CHST9: variants seen among roughly 807,000 people sequenced by gnomAD.
CHST9 encodes GalNAc-4-sulfotransferase 2.
Under a neutral mutation model 44.4 loss-of-function variants are expected in CHST9, and 41 were observed. The observed-to-expected ratio is 0.92, with a 90% CI of 0.72 to 1.20. The LOEUF is 1.20. CHST9 is among the 50% of genes most tolerant of loss of function. CHST9 has a pLI of 0.00. For synonymous variants in CHST9, 171 were observed against 178.4 expected (o/e 0.96, Z 0.33); for missense variants, 504 against 516.5 (o/e 0.98, Z 0.23).
At chr18:27,047,648 C>T (rs936633555) in intron 3 of CHST9, among the ~76,000 whole-genome samples, 2 of 128,858 alleles carry the variant, frequency 1.6e-5, no homozygotes, top group Non-Finnish European at 3.7e-5. Context: ...TATTACCAGA[C>T]AGGAAATGAA....
rs115949217 is a variant in CHST9 at position 27,147,282 on chromosome 18, G to C, written c.-96-4377C>G. 7.9e-3 allele frequency among the ~76,000 whole-genome samples: 1,203 copies of C among 152,082 alleles called. 19 individuals are homozygous for C. Among genetic ancestry groups the C allele is most frequent in the African/African-American group, 0.028 (1,144 of 41,440 alleles). ...GGGTTTCTCCGTGTTTGTCAGGCTA[G>C]TCTCCAACTCCCGACCTCAGGTGAT... On this transcript the variant is annotated intron_variant, in intron 1 of 5. Transcript: ENST00000618847.
At chr18:26,954,575 A>T (rs1328514322) in intron 4 of CHST9, among the ~76,000 whole-genome samples, 2 of 151,442 alleles carry the variant, frequency 1.3e-5, no homozygotes, top group Non-Finnish European at 2.9e-5. Context: ...TCTTATGTTC[A>T]TTTCTGGTCC....
At chr18:26,958,502 T>C (rs2056357543) in intron 4 of CHST9, among the ~76,000 whole-genome samples, 1 of 150,860 alleles carries the variant, frequency 6.6e-6, no homozygotes, top group Non-Finnish European at 1.5e-5. Context: ...GGGACCTAGT[T>C]AAACTAAAGA....
At chr18:27,090,852 T>C (rs891021311) in intron 2 of CHST9, among the ~76,000 whole-genome samples, 1 of 152,230 alleles carries the variant, frequency 6.6e-6, no homozygotes, top group East Asian at 1.9e-4. Flanking sequence ...ACTGTAGTCT[T>C]GTATTATAGT....
intron 2 of CHST9, among the ~76,000 whole-genome samples, chr18:27,092,620 T>G (rs1479039683): frequency 6.6e-6 from 1 of 152,208 alleles, no homozygotes; most frequent in East Asian, 1.9e-4. Context: ...GCTTTAAATG[T>G]GTCCCAGAGA....
intron 4 of CHST9, among the ~76,000 whole-genome samples, chr18:26,970,374 C>G (rs1185278750): frequency 6.6e-6 from 1 of 152,138 alleles, no homozygotes; most frequent in Non-Finnish European, 1.5e-5. Flanking sequence ...ATTCTAAATG[C>G]TGTATGTATT....
At chr18:27,063,807 G>A (rs1208874871) in intron 2 of CHST9, among the ~76,000 whole-genome samples, 2 of 151,728 alleles carry the variant, frequency 1.3e-5, no homozygotes, top group Admixed American at 1.3e-4. Context: ...TTACATGTGT[G>A]GTTTTTTTTA....
chr18:27,165,492 T>C (rs1273441552), intron 1 of CHST9, among the ~76,000 whole-genome samples: 1 of 152,156 alleles, frequency 6.6e-6, no homozygotes, highest in Non-Finnish European at 1.5e-5. Flanking sequence ...TCTCATCCCA[T>C]GGTGGGAAGT....
chr18:27,158,332 C>T (rs1239404816), intron 1 of CHST9, among the ~76,000 whole-genome samples: 7 of 151,306 alleles, frequency 4.6e-5, no homozygotes, highest in Admixed American at 4.6e-4. Flanking sequence ...TCAATTCCCA[C>T]CTATGAGTAA....
At chr18:27,181,021 T>G (rs1189604363) in intron 1 of CHST9, among the ~76,000 whole-genome samples, 2 of 152,194 alleles carry the variant, frequency 1.3e-5, no homozygotes, top group Non-Finnish European at 2.9e-5. Flanking sequence ...ACATTTATGA[T>G]GAGAACATAG....
intron 2 of CHST9, among the ~76,000 whole-genome samples, chr18:27,070,242 G>A (rs1327289498): frequency 6.6e-6 from 1 of 152,136 alleles, no homozygotes; most frequent in Non-Finnish European, 1.5e-5. Flanking sequence ...AATGCACTGG[G>A]CTTGGGTCAG....
At chr18:26,956,246 AG>A (rs1395358049) in intron 4 of CHST9, among the ~76,000 whole-genome samples, 2 of 149,532 alleles carry the variant, frequency 1.3e-5, no homozygotes, top group African/African-American at 2.5e-5. Flanking sequence ...CAAGAGGCAG[AG>A]GTTACAGTGA....
Position 26,910,609 on chromosome 18 carries a change from C to T in CHST9, c.*5650G>A, listed in dbSNP as rs1337380834. On this transcript the variant is annotated 3_prime_UTR_variant, in exon 6 of 6. Transcript: ENST00000618847. ...ACAAATCCCCTGTCATTAATGAGGC[C>T]CAATGTTGGCAGCTAATTCAGATGT... The T allele has an allele frequency of 1.3e-5, 2 of 152,096 alleles. No homozygotes were observed. Among genetic ancestry groups the T allele is most frequent in the African/African-American group, 4.8e-5 (2 of 41,404 alleles). The allele number at this position is 152,096 out of a possible 1,614,324, so 9.4% of individuals were successfully genotyped here. A position where few individuals can be genotyped will look rare whatever the true frequency, so the allele number is the denominator to read the frequency against.
At chr18:27,017,679 G>A (rs777656512) in intron 4 of CHST9, among the ~76,000 whole-genome samples, 1 of 152,088 alleles carries the variant, frequency 6.6e-6, no homozygotes, top group African/African-American at 2.4e-5. Flanking sequence ...AACTATTTAG[G>A]GTGTGGGATT....
At chr18:27,134,217 T>C (rs1471530045) in intron 2 of CHST9, among the ~76,000 whole-genome samples, 3 of 152,104 alleles carry the variant, frequency 2.0e-5, no homozygotes, top group African/African-American at 7.2e-5. Context: ...CAGTCCAGTC[T>C]AGAAACAAAA....
At position 27,062,676 on chromosome 18, in the gene CHST9, A is replaced by C. The variant is rs112959315; in HGVS notation, c.122-14173T>G. Among the ~76,000 whole-genome samples, 301 of 152,314 alleles carry C rather than the reference A, an allele frequency of 2.0e-3. 2 individuals are homozygous for C. Among genetic ancestry groups the C allele is most frequent in the African/African-American group, 6.7e-3 (279 of 41,564 alleles). On this transcript the variant is annotated intron_variant, in intron 2 of 5. Coordinates refer to ENST00000618847, the MANE Select transcript of CHST9 (RefSeq NM_031422.6). ...TTTATAATCCTTTGGGTATATACCC[A>C]GTAATGGGATGGCTGGGTCAAATGG...
intron 4 of CHST9, among the ~76,000 whole-genome samples, chr18:26,956,532 C>A (rs1298141028): frequency 6.7e-6 from 1 of 150,068 alleles, no homozygotes; most frequent in Admixed American, 6.6e-5. Flanking sequence ...TTTTTGTGGT[C>A]CTAGTGGTTA....
chr18:27,169,461 T>C (rs1480894272), intron 1 of CHST9, among the ~76,000 whole-genome samples: 1 of 152,176 alleles, frequency 6.6e-6, no homozygotes, highest in Non-Finnish European at 1.5e-5. Flanking sequence ...TTTTTAAATG[T>C]ACTTCTTTCA....
intron 4 of CHST9, among the ~76,000 whole-genome samples, chr18:26,962,294 T>C (rs1471546474): frequency 5.7e-5 from 1 of 17,654 alleles, no homozygotes; most frequent in Non-Finnish European, 1.0e-4. Context: ...TATAGTCTCC[T>C]TTTTTTTTTT....
Sources: allele counts gnomAD v4.1 joint callset (sites outside exome capture counted in the v4.1 genomes callset), GRCh38; gene constraint gnomAD v4.1.1; transcripts MANE v1.5; gene names NCBI Gene and HGNC (gene_info 2026-07-23, HGNC 2026-07-21).